Variants in MMEL1 observed in about 807,000 individuals in gnomAD.
MMEL1 encodes the protein membrane metallo-endopeptidase-like 1.
MMEL1 carries 98 observed loss-of-function variants against 117.1 expected under a neutral mutation model. The ratio of observed to expected loss-of-function variants is 0.84; its 90% CI spans 0.71 to 0.99. The LOEUF (loss-of-function observed/expected upper bound fraction) is 0.99, where lower values mean the gene tolerates loss of function less well. Among genes scored for constraint, MMEL1 ranks in the 50% least tolerant of loss-of-function variants. MMEL1 has a pLI of 0.00. For missense variants in MMEL1, 1,014 were observed against 1,049.1 expected (o/e 0.97, Z 0.46); for synonymous variants, 390 against 415.1 (o/e 0.94, Z 0.74).
At chr1:2,630,513 C>T (rs964281270) in intron 1 of MMEL1, among the ~76,000 whole-genome samples, 2 of 149,776 alleles carry the variant, frequency 1.3e-5, no homozygotes, top group Non-Finnish European at 3.0e-5. Flanking sequence ...CTCGTGTGTG[C>T]GTGTGCATGA....
intron 8 of MMEL1, among the ~76,000 whole-genome samples, chr1:2,605,902 G>A (rs960823249): frequency 4.6e-5 from 7 of 152,186 alleles, no homozygotes; most frequent in Non-Finnish European, 5.9e-5. Context: ...AGAGTGGGGC[G>A]CGTATTTGTT....
At position 2,592,832 on chromosome 1, in the gene MMEL1, C is replaced by G. The variant is rs772972972; in HGVS notation, c.2001+1G>C. The G allele has an allele frequency of 6.2e-7, 1 of 1,613,532 alleles. No homozygotes were observed. The highest frequency in any genetic ancestry group is 1.7e-5 in the Admixed American group (1 of 59,992). On this transcript the variant is annotated splice_donor_variant, in intron 20 of 23. Coordinates refer to ENST00000378412, the MANE Select transcript of MMEL1 (RefSeq NM_033467.4). LOFTEE classifies it high-confidence loss of function. The stretch of plus-strand genomic sequence containing the variant: ...GCCTGGGTGCTGGTGGCAGCGCTCA[C>G]GTTCTGTTCGTCTGCCAGGTCCCAG...
chr1:2,613,020 A>AGAGAG (rs1645153435), intron 2 of MMEL1, among the ~76,000 whole-genome samples: 1 of 152,198 alleles, frequency 6.6e-6, no homozygotes, highest in Admixed American at 6.5e-5. Context: ...CAGAGACTGC[A>AGAGAG]GAGAGGGTGC....
At chr1:2,594,008 T>A in intron 18 of MMEL1, 75 bp from the exon 19 acceptor site, 1 of 1,491,598 alleles carries the variant, frequency 6.7e-7, no homozygotes, top group Non-Finnish European at 8.9e-7. Context: ...GGGATGGCGC[T>A]GCCAGGGGTT....
rs72644679 is a variant in MMEL1, at chr1:2,593,737, A to C, written c.1867+77T>G. 918 of 1,468,898 alleles carry C rather than the reference A, an allele frequency of 6.2e-4. 1 individual carries two copies. The highest frequency in any genetic ancestry group is 7.2e-4 in the Non-Finnish European group (797 of 1,105,030). 91.0% of individuals were successfully genotyped at this position (1,468,898 alleles called of 1,614,324 possible). ...CTGAAACCGTGAAGGGGTTGAATGG[A>C]GCGCCCCCAGGCCCCTTCCTGGCTG... On this transcript the variant is annotated intron_variant, in intron 19 of 23. Transcript: ENST00000378412.
intron 2 of MMEL1, among the ~76,000 whole-genome samples, chr1:2,613,051 G>T (rs184423804): frequency 6.6e-5 from 10 of 152,336 alleles, no homozygotes; most frequent in African/African-American, 2.4e-4. Flanking sequence ...AAAAATATCA[G>T]CTCCTTGGGG....
intron 4 of MMEL1, among the ~76,000 whole-genome samples, chr1:2,610,821 C>G (rs1357694085): frequency 6.6e-6 from 1 of 152,152 alleles, no homozygotes; most frequent in Non-Finnish European, 1.5e-5. Context: ...TGTCCACAGG[C>G]CCCCCAGCCC....
In MMEL1 at chr1:2,595,420, G is replaced by A; in HGVS notation, c.1501-61C>T. ...CACTGCGGATGGAGTCAGCCCGGGG[G>A]CCGGTCAGTGAGTGCCACACTGTGG... On this transcript the variant is annotated intron_variant, in intron 15 of 23. Coordinates refer to ENST00000378412, the MANE Select transcript of MMEL1 (RefSeq NM_033467.4). The surrounding 1 kb of genome is among the most constrained non-coding windows in gnomAD (Gnocchi z 4.8). The A allele has an allele frequency of 6.8e-7, 1 of 1,461,588 alleles. No individual in the cohort carries two copies. Among genetic ancestry groups the A allele is most frequent in the Non-Finnish European group, 9.6e-7 (1 of 1,043,850 alleles). 90.5% of individuals were successfully genotyped at this position (1,461,588 alleles called of 1,614,324 possible). A position where few individuals can be genotyped will look rare whatever the true frequency, so the allele number is the denominator to read the frequency against.
At chr1:2,594,752 G>C (rs546440376) in intron 17 of MMEL1, 38 bp downstream of exon 17, 5 of 1,548,650 alleles carry the variant, frequency 3.2e-6, no homozygotes, top group African/African-American at 1.4e-5. Context: ...CCACTCCCTG[G>C]CCCCCCCCGC....
chr1:2,629,374 G>A lies in MMEL1; in HGVS notation c.111C>T (p.Thr37=), dbSNP rs1387711155. 57 of 1,545,090 alleles carry A rather than the reference G, an allele frequency of 3.7e-5. No individual in the cohort carries two copies. The highest frequency in any genetic ancestry group is 4.8e-5 in the Non-Finnish European group (55 of 1,146,242). ...GGACACCCAAGGCCACCAGGGCAGC[G>A]GTCACCAGCAGCAGCAGCAGCAGCA... ...GGLLLLLLLV[T]AALVALGVLY... is the part of the protein sequence containing the mutation. Residue 37 remains threonine (T), a synonymous_variant, in exon 2 of 24, where the codon ACC becomes ACT. Transcript: ENST00000378412.
chr1:2,614,808 T>G (rs1391209899), intron 2 of MMEL1, among the ~76,000 whole-genome samples: 2 of 151,274 alleles, frequency 1.3e-5, no homozygotes, highest in Non-Finnish European at 2.9e-5. Context: ...AAGCCAGGGC[T>G]CCTTAGAAAA....
chr1:2,593,085 C>A (rs1644769345), intron 19 of MMEL1, 119 bp from the exon 20 acceptor site: 8 of 1,320,798 alleles, frequency 6.1e-6, no homozygotes, highest in African/African-American at 5.7e-5. Flanking sequence ...GTACGGAGAG[C>A]CCACAGTCTG....
chr1:2,615,327 C>G (rs1003158530), intron 2 of MMEL1, among the ~76,000 whole-genome samples: 1 of 152,154 alleles, frequency 6.6e-6, no homozygotes, highest in Non-Finnish European at 1.5e-5. Flanking sequence ...AAAGTGTGCA[C>G]CTGTGACCTG....
At chr1:2,600,944 TA>T (rs1644921989) in intron 11 of MMEL1, among the ~76,000 whole-genome samples, 1 of 152,184 alleles carries the variant, frequency 6.6e-6, no homozygotes, top group Admixed American at 6.5e-5. Context: ...TAAAAGTTAT[TA>T]AGAAAAATTG....
intron 2 of MMEL1, among the ~76,000 whole-genome samples, chr1:2,619,655 C>CAAAAAA: frequency 8.3e-6 from 1 of 119,796 alleles, no homozygotes; most frequent in Non-Finnish European, 1.8e-5. Flanking sequence ...GAGACTCTAT[C>CAAAAAA]AAAAAAAAAA....
intron 2 of MMEL1, among the ~76,000 whole-genome samples, chr1:2,622,710 T>C (rs1393269041): frequency 6.6e-6 from 1 of 151,666 alleles, no homozygotes; most frequent in Non-Finnish European, 1.5e-5. Flanking sequence ...CATGTCAAAA[T>C]CCCATCTCTA....
intron 4 of MMEL1, 27 bp from the exon 5 acceptor site, chr1:2,609,858 G>T (rs1473681871): frequency 6.3e-7 from 1 of 1,583,684 alleles, no homozygotes. Context: ...CGTGGAGCAG[G>T]GAGAGGGGAG....
At chr1:2,609,515 G>C in intron 5 of MMEL1, 96 bp from the exon 6 acceptor site, 1 of 1,509,862 alleles carries the variant, frequency 6.6e-7, no homozygotes, top group African/African-American at 1.4e-5. Context: ...GCGAGAGGCG[G>C]CCCCCCAGCT....
chr1:2,604,135 C>G lies in MMEL1; in HGVS notation c.951+12G>C, dbSNP rs752965331. The G allele has an allele frequency of 4.6e-6, 7 of 1,520,166 alleles. No individual in the cohort carries two copies. The South Asian group carries it at 6.8e-5, about 15-fold the overall frequency. The allele number at this position is 1,520,166 out of a possible 1,614,324, so 94.2% of individuals were successfully genotyped here. On this transcript the variant is annotated intron_variant, in intron 10 of 23. Coordinates refer to ENST00000378412, the MANE Select transcript of MMEL1 (RefSeq NM_033467.4). ...CTCGCTGCCCGCTCCCCACCCGCCC[C>G]GGCCCCCTTACCTTGGCCAGCTGTG... is the stretch of plus-strand genomic sequence containing the variant.
Sources: gnomAD v4.1 joint callset for allele counts (sites outside exome capture counted in the v4.1 genomes callset) on GRCh38, gnomAD v4.1.1 for gene constraint, Gnocchi (gnomAD v3.1) non-coding constraint, MANE v1.5 for transcripts, NCBI Gene and HGNC (gene_info 2026-07-23, HGNC 2026-07-21) for gene names.